The following TTC28 variants were observed in gnomAD, a reference collection of about 807,000 sequenced individuals.
TTC28 encodes the protein tetratricopeptide repeat protein 28.
TTC28 carries 61 observed loss-of-function variants against 198.0 expected under a neutral mutation model. The observed-to-expected ratio is 0.31, with a 90% CI of 0.25 to 0.38. The LOEUF is 0.38. TTC28 is among the 10% of genes least tolerant of loss of function. The pLI, the probability that TTC28 is intolerant of heterozygous loss-of-function variation, is 1.00. For synonymous variants in TTC28, 1,171 were observed against 1,297.8 expected, an observed-to-expected ratio of 0.90 and a Z score of 2.10; for missense variants, 2,678 against 3,164.0, an observed-to-expected ratio of 0.85 and a Z score of 3.69.
chr22:28,546,890 C>T (rs1367273017), intron 2 of TTC28, among the ~76,000 whole-genome samples: 3 of 152,158 alleles, frequency 2.0e-5, no homozygotes, highest in East Asian at 1.9e-4. Flanking sequence ...CCATGCTGTG[C>T]GACTCCAAAC....
At chr22:28,538,392 G>A (rs2049339183) in intron 2 of TTC28, among the ~76,000 whole-genome samples, 1 of 149,936 alleles carries the variant, frequency 6.7e-6, no homozygotes, top group Non-Finnish European at 1.5e-5. Flanking sequence ...CTGGCCTATA[G>A]GTATATCTTT....
intron 2 of TTC28, among the ~76,000 whole-genome samples, chr22:28,497,716 T>C (rs528181825): frequency 4.6e-5 from 7 of 152,162 alleles, no homozygotes; most frequent in Non-Finnish European, 1.0e-4. Context: ...GAGTTAAATC[T>C]TAAACTTCAG....
intron 5 of TTC28, among the ~76,000 whole-genome samples, chr22:28,215,578 T>A (rs964217801): frequency 2.0e-5 from 3 of 152,158 alleles, no homozygotes; most frequent in African/African-American, 4.8e-5. Context: ...TCTTGACAAA[T>A]CTCTAAAATG....
chr22:28,629,341 G>T (rs1038313201), intron 2 of TTC28: 11 of 546,206 alleles, frequency 2.0e-5, no homozygotes, highest in Non-Finnish European at 3.5e-5. Flanking sequence ...TACAGGAAAA[G>T]AATTAAACTT....
intron 2 of TTC28, among the ~76,000 whole-genome samples, chr22:28,558,838 C>G (rs1329909882): frequency 6.6e-6 from 1 of 152,054 alleles, no homozygotes; most frequent in Non-Finnish European, 1.5e-5. Context: ...CAAAACAGAC[C>G]AGCCTGGCCA....
chr22:28,602,288 A>G (rs778202483), intron 2 of TTC28, among the ~76,000 whole-genome samples: 4 of 152,206 alleles, frequency 2.6e-5, no homozygotes, highest in Non-Finnish European at 4.4e-5. Flanking sequence ...TATCTAAACT[A>G]GAGACTCCTA....
chr22:28,343,349 G>GT (rs1368801268), intron 2 of TTC28, among the ~76,000 whole-genome samples: 2 of 151,952 alleles, frequency 1.3e-5, no homozygotes, highest in Non-Finnish European at 2.9e-5. Context: ...GGCCAACATG[G>GT]TGAGACCCCA....
chr22:28,008,081 C>T (rs1937998087), intron 14 of TTC28: 1 of 152,214 alleles, frequency 6.6e-6, no homozygotes, highest in African/African-American at 2.4e-5. Context: ...CAAAAATTCC[C>T]TGGCTATACC....
At position 28,096,401 on chromosome 22, in the gene TTC28, A is replaced by G; in HGVS notation, c.3555T>C (p.His1185=). The change falls in exon 11 of 23, where the codon CAT becomes CAC. Residue 1185 remains histidine, a synonymous_variant. Transcript: ENST00000397906. ...TTTCTGCCACAGCCAGGGCTTCATC[A>G]TGATGGCCTAGGAGACAAAGAGATA... ...LQRVLVSLGH[H]DEALAVAERG... is the part of the protein sequence containing the mutation. 2 of 1,551,218 alleles carry G rather than the reference A, an allele frequency of 1.3e-6. No individual in the cohort carries two copies. Among genetic ancestry groups the G allele is most frequent in the Non-Finnish European group, 1.7e-6 (2 of 1,147,042 alleles).
intron 2 of TTC28, among the ~76,000 whole-genome samples, chr22:28,623,564 T>C (rs2051033396): frequency 6.6e-6 from 1 of 152,216 alleles, no homozygotes. Flanking sequence ...TTGATATCTA[T>C]GGAACTACAC....
chr22:28,405,770 C>T (rs1332943295), intron 2 of TTC28, among the ~76,000 whole-genome samples: 1 of 152,244 alleles, frequency 6.6e-6, no homozygotes, highest in African/African-American at 2.4e-5. Context: ...CCATAAGATA[C>T]ACCCACCAGC....
chr22:28,417,366 T>A (rs2047183257), intron 2 of TTC28, among the ~76,000 whole-genome samples: 1 of 142,084 alleles, frequency 7.0e-6, no homozygotes. Context: ...TCTCAGCTAC[T>A]CGGGAGGCTG....
chr22:28,303,240 A>C (rs753948469), intron 3 of TTC28, among the ~76,000 whole-genome samples: 1 of 152,226 alleles, frequency 6.6e-6, no homozygotes, highest in Non-Finnish European at 1.5e-5. Flanking sequence ...AGTATGCTAC[A>C]ACACCCAAAT....
intron 5 of TTC28, among the ~76,000 whole-genome samples, chr22:28,237,563 T>A (rs1478319745): frequency 2.0e-5 from 3 of 152,218 alleles, no homozygotes; most frequent in Non-Finnish European, 4.4e-5. Flanking sequence ...TATTGTAATG[T>A]ATTGTTTTTA....
At chr22:28,234,158 G>A (rs374823576) in intron 5 of TTC28, among the ~76,000 whole-genome samples, 1 of 151,456 alleles carries the variant, frequency 6.6e-6, no homozygotes, top group South Asian at 2.1e-4. Flanking sequence ...CGCCGGCCTC[G>A]GCCTCCCAAA....
chr22:28,388,815 T>G (rs1265901917), intron 2 of TTC28, among the ~76,000 whole-genome samples: 1 of 152,244 alleles, frequency 6.6e-6, no homozygotes, highest in East Asian at 1.9e-4. Context: ...CCTCTTTTCC[T>G]AATTCAATAC....
intron 10 of TTC28, among the ~76,000 whole-genome samples, chr22:28,098,633 C>T (rs1942042248): frequency 6.6e-6 from 1 of 152,034 alleles, no homozygotes; most frequent in African/African-American, 2.4e-5. Flanking sequence ...ACTGGACTCA[C>T]TGACTTATGT....
intron 5 of TTC28, among the ~76,000 whole-genome samples, chr22:28,277,812 T>A (rs2044499718): frequency 6.6e-6 from 1 of 152,128 alleles, no homozygotes; most frequent in African/African-American, 2.4e-5. Flanking sequence ...TGCTTCAGTT[T>A]CTCCAATCTG....
chr22:28,012,139 T>C (rs1465547141), intron 14 of TTC28, among the ~76,000 whole-genome samples: 3 of 152,156 alleles, frequency 2.0e-5, no homozygotes, highest in African/African-American at 4.8e-5. Context: ...TCAGTAGCAG[T>C]AAAGAAAACT....
Sources: allele counts gnomAD v4.1 joint callset (sites outside exome capture counted in the v4.1 genomes callset), GRCh38; gene constraint gnomAD v4.1.1; transcripts MANE v1.5; gene names NCBI Gene and HGNC (gene_info 2026-07-23, HGNC 2026-07-21).